LRRC49: variants seen among roughly 807,000 people sequenced by gnomAD.
LRRC49 encodes the protein leucine rich repeat containing 49, also known as leucine-rich repeat-containing protein 49.
In LRRC49, 50 loss-of-function variants were observed where a neutral mutation model predicts 83.3. The observed-to-expected ratio is 0.60, with a 90% confidence interval of 0.48 to 0.76. The LOEUF is 0.76. LRRC49 is among the 30% of genes least tolerant of loss of function. LRRC49 has a pLI of 0.00. For synonymous variants in LRRC49, 286 were observed against 283.3 expected (o/e 1.01, Z -0.10); for missense variants, 704 against 809.1 (o/e 0.87, Z 1.58).
chr15:70,860,369 A>C (rs183240416), intron 1 of LRRC49, among the ~76,000 whole-genome samples: 107 of 152,336 alleles, frequency 7.0e-4, no homozygotes, highest in African/African-American at 2.5e-3. Context: ...TTTTTAAATA[A>C]AACCTCAGCT....
intron 8 of LRRC49, 89 bp downstream of exon 8, chr15:70,936,911 AT>A: frequency 1.2e-6 from 1 of 804,940 alleles, no homozygotes. Context: ...ACCTTGGAGA[AT>A]TTTACTAGCA....
intron 6 of LRRC49, among the ~76,000 whole-genome samples, chr15:70,917,486 G>C (rs756491707): frequency 2.6e-5 from 4 of 152,192 alleles, no homozygotes; most frequent in African/African-American, 9.7e-5. Flanking sequence ...CCCTCTCTCT[G>C]TTGACAGCTG....
At chr15:70,942,811 G>C (rs1006106172) in intron 8 of LRRC49, among the ~76,000 whole-genome samples, 4 of 152,072 alleles carry the variant, frequency 2.6e-5, no homozygotes, top group Non-Finnish European at 4.4e-5. Context: ...ACTCGAAGTG[G>C]GGGGAGAAAA....
intron 14 of LRRC49, among the ~76,000 whole-genome samples, chr15:71,017,416 A>G (rs1440056849): frequency 2.0e-5 from 3 of 152,198 alleles, no homozygotes; most frequent in Non-Finnish European, 4.4e-5. Flanking sequence ...ACAGTTTTAT[A>G]TGATGAAATA....
At chr15:70,871,963 G>T (rs548761992) in intron 1 of LRRC49, among the ~76,000 whole-genome samples, 1 of 152,080 alleles carries the variant, frequency 6.6e-6, no homozygotes, top group Non-Finnish European at 1.5e-5. Flanking sequence ...GGGCGGCCAG[G>T]CAGAGACGCT....
upstream of LRRC49, chr15:70,892,094 G>A (rs1383720937): frequency 1.9e-6 from 3 of 1,613,944 alleles, no homozygotes; most frequent in Admixed American, 3.3e-5. Flanking sequence ...AAAACAGGCT[G>A]GGGCAAAGTG....
intron 9 of LRRC49, among the ~76,000 whole-genome samples, chr15:70,975,853 A>G (rs1196807688): frequency 2.0e-5 from 3 of 152,068 alleles, no homozygotes; most frequent in South Asian, 2.1e-4. Flanking sequence ...AGACATTACT[A>G]ATGTTCACCA....
chr15:70,903,483 A>T (rs1237684144), intron 4 of LRRC49, among the ~76,000 whole-genome samples: 1 of 152,166 alleles, frequency 6.6e-6, no homozygotes, highest in East Asian at 1.9e-4. Flanking sequence ...TTTAAACATC[A>T]TAGATTTGTT....
At chr15:70,889,358 TC>T (rs200790839), upstream of LRRC49, among the ~76,000 whole-genome samples, 263 of 147,466 alleles carry the variant, frequency 1.8e-3, no homozygotes, top group Middle Eastern at 0.01. Flanking sequence ...TTATATGAAA[TC>T]CCCCCCCCAA....
At chr15:70,992,211 C>T (rs1385522222) in intron 11 of LRRC49, among the ~76,000 whole-genome samples, 3 of 152,198 alleles carry the variant, frequency 2.0e-5, no homozygotes, top group Non-Finnish European at 1.5e-5. Flanking sequence ...AGCTATTTGT[C>T]TAATCTTTTC....
Position 71,008,579 on chromosome 15 carries a change from T to A in LRRC49, c.1370T>A (p.Val457Glu). The A allele has an allele frequency of 6.2e-7, 1 of 1,612,480 alleles. No homozygotes were observed. The highest frequency in any genetic ancestry group is 8.5e-7 in the Non-Finnish European group (1 of 1,178,918). The change falls in exon 12 of 16, where the codon GTG becomes GAG. Residue 457 changes from valine (V) to glutamate (E), a missense_variant. Around this residue, in one of 3 missense-constraint regions of LRRC49, gnomAD observed 275 missense variants for 338.0 expected, o/e 0.81. Transcript: ENST00000260382. ...ATAGAATTTGATGAAATCGTCCAAG[T>A]GCTTCCTAAACTGAAGATTAAGTTT... ...TFIEFDEIVQVLPKLKIKFPN... is the reference protein window; with the variant it reads ...TFIEFDEIVQELPKLKIKFPN...
At chr15:70,933,165 A>G (rs1281682693) in intron 7 of LRRC49, among the ~76,000 whole-genome samples, 1 of 152,170 alleles carries the variant, frequency 6.6e-6, no homozygotes, top group South Asian at 2.1e-4. Context: ...TCTTGTGGTA[A>G]ATAATTTTTT....
intron 8 of LRRC49, among the ~76,000 whole-genome samples, chr15:70,941,045 C>G (rs1048600171): frequency 6.6e-6 from 1 of 152,182 alleles, no homozygotes; most frequent in African/African-American, 2.4e-5. Context: ...TTTATTCCTT[C>G]TTTGTGAGTA....
chr15:70,887,032 A>G (rs1031299882), intron 2 of LRRC49, among the ~76,000 whole-genome samples: 1 of 152,242 alleles, frequency 6.6e-6, no homozygotes, highest in African/African-American at 2.4e-5. Flanking sequence ...AAATTAAAAA[A>G]TACTATTAAT....
intron 7 of LRRC49, among the ~76,000 whole-genome samples, chr15:70,926,422 C>T (rs1596027794): frequency 6.6e-6 from 1 of 152,216 alleles, no homozygotes; most frequent in South Asian, 2.1e-4. Flanking sequence ...CAAATGCTCT[C>T]ATTTCTCTTA....
intron 12 of LRRC49, 86 bp from the exon 13 acceptor site, chr15:71,009,721 G>A (rs1016983957): frequency 2.4e-6 from 2 of 844,438 alleles, no homozygotes; most frequent in African/African-American, 3.4e-5. Context: ...TATTTACCTG[G>A]GGAATGATTA....
intron 2 of LRRC49, among the ~76,000 whole-genome samples, chr15:70,880,524 TAAATA>T (rs2033242366): frequency 6.6e-6 from 1 of 152,216 alleles, no homozygotes; most frequent in Non-Finnish European, 1.5e-5. Context: ...GTCTAGCAAC[TAAATA>T]AATTAAAAAT....
chr15:71,025,850 T>A (rs1010371853), intron 14 of LRRC49, among the ~76,000 whole-genome samples: 9 of 152,034 alleles, frequency 5.9e-5, no homozygotes, highest in African/African-American at 2.2e-4. Context: ...ATGCACCCAA[T>A]ACAGGAGCAC....
intron 5 of LRRC49, among the ~76,000 whole-genome samples, chr15:70,909,773 A>C (rs2034470070): frequency 6.7e-6 from 1 of 148,944 alleles, no homozygotes; most frequent in Non-Finnish European, 1.5e-5. Context: ...TGAGAGGCGG[A>C]GGTTGCAGTG....
Sources: gnomAD v4.1 joint callset for allele counts (sites outside exome capture counted in the v4.1 genomes callset) on GRCh38, gnomAD v4.1.1 for gene constraint, gnomAD v4.1.1 regional missense constraint, MANE v1.5 for transcripts, NCBI Gene and HGNC (gene_info 2026-07-23, HGNC 2026-07-21) for gene names.